ADGRL2: variants seen among roughly 807,000 people sequenced by gnomAD.
ADGRL2 encodes adhesion G protein-coupled receptor L2.
ADGRL2 carries 44 observed loss-of-function variants against 157.4 expected under a neutral mutation model. That is an observed-to-expected ratio of 0.28 (90% confidence interval 0.22 to 0.36). The LOEUF (loss-of-function observed/expected upper bound fraction) is 0.36. Ranked by LOEUF, ADGRL2 falls within the 10% of genes least tolerant of loss-of-function variation. The pLI is 1.00. For synonymous variants in ADGRL2, 585 were observed against 624.7 expected (o/e 0.94, Z 0.95); for missense variants, 1,510 against 1,768.9 (o/e 0.85, Z 2.63).
At chr1:81,378,947 G>T (rs556585247) in intron 1 of ADGRL2, among the ~76,000 whole-genome samples, 1 of 152,250 alleles carries the variant, frequency 6.6e-6, no homozygotes, top group East Asian at 1.9e-4. Context: ...TTCTGCTGAA[G>T]TGATCATTGA....
At chr1:81,892,885 G>T (rs1453648741) in intron 2 of ADGRL2, among the ~76,000 whole-genome samples, 1 of 151,922 alleles carries the variant, frequency 6.6e-6, no homozygotes, top group Non-Finnish European at 1.5e-5. Flanking sequence ...GACTGTTGTG[G>T]GTATCTGGTA....
intron 2 of ADGRL2, among the ~76,000 whole-genome samples, chr1:81,782,836 G>A (rs888134272): frequency 3.3e-5 from 5 of 152,170 alleles, no homozygotes; most frequent in Admixed American, 2.0e-4. Flanking sequence ...TTAGAAGGAA[G>A]GACATCTTTG....
At chr1:81,654,679 A>G (rs1348925543) in intron 3 of ADGRL2, among the ~76,000 whole-genome samples, 3 of 152,150 alleles carry the variant, frequency 2.0e-5, no homozygotes, top group African/African-American at 4.8e-5. Context: ...GCTAATATTT[A>G]TTCAATTGAG....
At chr1:81,536,803 C>T (rs758139637) in intron 2 of ADGRL2, among the ~76,000 whole-genome samples, 30 of 152,176 alleles carry the variant, frequency 2.0e-4, no homozygotes, top group Non-Finnish European at 4.0e-4. Context: ...TACAATCATA[C>T]ATCATTCAGG....
intron 3 of ADGRL2, among the ~76,000 whole-genome samples, chr1:81,666,798 G>A (rs1051870539): frequency 2.0e-5 from 3 of 152,202 alleles, no homozygotes; most frequent in African/African-American, 7.2e-5. Context: ...CACAAGGGCT[G>A]TGACTAACCA....
chr1:81,708,673 T>TAC, intron 1 of ADGRL2, among the ~76,000 whole-genome samples: 1 of 151,720 alleles, frequency 6.6e-6, no homozygotes, highest in Non-Finnish European at 1.5e-5. Flanking sequence ...CACATATATA[T>TAC]ATCCTAAATT....
intron 3 of ADGRL2, among the ~76,000 whole-genome samples, chr1:81,617,071 TC>T (rs984253448): frequency 2.0e-5 from 3 of 151,946 alleles, no homozygotes; most frequent in African/African-American, 7.3e-5. Context: ...ATATCAGAGG[TC>T]CCCAATCCCC....
chr1:81,963,607 C>T, intron 11 of ADGRL2, among the ~76,000 whole-genome samples: 1 of 151,458 alleles, frequency 6.6e-6, no homozygotes, highest in East Asian at 1.9e-4. Context: ...TTTTTTTTTA[C>T]ATTAAGTGGA....
intron 3 of ADGRL2, among the ~76,000 whole-genome samples, chr1:81,684,660 T>A (rs1435678854): frequency 1.3e-5 from 2 of 152,210 alleles, no homozygotes; most frequent in East Asian, 3.9e-4. Context: ...TATTTAGCTT[T>A]CTTTATTGCA....
intron 3 of ADGRL2, among the ~76,000 whole-genome samples, chr1:81,596,905 C>T (rs1405114556): frequency 2.0e-5 from 3 of 152,206 alleles, no homozygotes; most frequent in South Asian, 4.1e-4. Context: ...TGAACTCTTC[C>T]GTCTGCCTGT....
At chr1:81,401,409 C>T (rs530763357) in intron 1 of ADGRL2, among the ~76,000 whole-genome samples, 7 of 129,428 alleles carry the variant, frequency 5.4e-5, no homozygotes, top group African/African-American at 1.6e-4. Context: ...GGGAGAAGTT[C>T]CTCCTGGTTC....
chr1:81,691,399 C>A (rs2083330564), intron 3 of ADGRL2, among the ~76,000 whole-genome samples: 1 of 151,810 alleles, frequency 6.6e-6, no homozygotes, highest in African/African-American at 2.4e-5. Context: ...ACATGAGAAT[C>A]TCTACTTTGT....
intron 1 of ADGRL2, chr1:81,722,235 G>A (rs1255036421): frequency 2.5e-6 from 1 of 392,210 alleles, no homozygotes; most frequent in African/African-American, 2.1e-5. Context: ...GGAGCTTGCA[G>A]TGAGCGGAGA....
intron 1 of ADGRL2, among the ~76,000 whole-genome samples, chr1:81,830,574 C>A (rs565804743): frequency 6.6e-6 from 1 of 152,248 alleles, no homozygotes; most frequent in African/African-American, 2.4e-5. Flanking sequence ...GTGGCCTCAT[C>A]TCTGCTCACT....
Position 81,966,043 on chromosome 1 carries a change from T to C in ADGRL2, c.2018-15T>C. ...TCCTTTTTTCCCCACCTCCTTTATC[T>C]TTTCCCTCATCCAGTCCTGGAAGTT... On this transcript the variant is annotated splice_polypyrimidine_tract_variant and intron_variant, in intron 11 of 23. Coordinates refer to ENST00000686636, the MANE Select transcript of ADGRL2 (RefSeq NM_001366006.2). The C allele has an allele frequency of 6.2e-7, 1 of 1,612,730 alleles. No individual in the cohort carries two copies. The highest frequency in any genetic ancestry group is 1.7e-4 in the Middle Eastern group (1 of 6,056).
At chr1:81,828,853 T>G (rs1447266063) in intron 1 of ADGRL2, among the ~76,000 whole-genome samples, 1 of 152,120 alleles carries the variant, frequency 6.6e-6, no homozygotes, top group East Asian at 1.9e-4. Context: ...TTACTGTTTC[T>G]TAATAGGTGT....
At chr1:81,633,595 C>CAAAAAA (rs369967142) in intron 3 of ADGRL2, among the ~76,000 whole-genome samples, 12 of 50,266 alleles carry the variant, frequency 2.4e-4, no homozygotes, top group Non-Finnish European at 3.2e-4. Flanking sequence ...GACTCTGTCT[C>CAAAAAA]AAAAAAAAAA....
intron 3 of ADGRL2, among the ~76,000 whole-genome samples, chr1:81,678,154 T>C (rs1292214560): frequency 6.6e-6 from 1 of 152,158 alleles, no homozygotes. Flanking sequence ...TACCACACCA[T>C]ATTTCTTTAG....
intron 1 of ADGRL2, among the ~76,000 whole-genome samples, chr1:81,430,010 C>T (rs769291285): frequency 1.3e-5 from 2 of 152,186 alleles, no homozygotes; most frequent in African/African-American, 2.4e-5. Flanking sequence ...TCTCCTGTCT[C>T]AGCCTCCCGA....
Sources: allele counts gnomAD v4.1 joint callset (sites outside exome capture counted in the v4.1 genomes callset), GRCh38; gene constraint gnomAD v4.1.1; transcripts MANE v1.5; gene names NCBI Gene and HGNC (gene_info 2026-07-23, HGNC 2026-07-21).